TRIP12: variants seen among roughly 807,000 people sequenced by gnomAD.
TRIP12 encodes thyroid hormone receptor interactor 12, also known as E3 ubiquitin-protein ligase TRIP12.
Under a neutral mutation model 244.2 loss-of-function variants are expected in TRIP12, and 25 were observed. That is an observed-to-expected ratio of 0.10 (90% CI 0.07 to 0.14). The LOEUF (loss-of-function observed/expected upper bound fraction) is 0.14. TRIP12 is among the 10% of genes least tolerant of loss of function. The pLI, the probability that TRIP12 is intolerant of heterozygous loss-of-function variation, is 1.00. For missense variants in TRIP12, 1,677 were observed against 2,486.4 expected (o/e 0.67, Z 6.92); for synonymous variants, 905 against 873.1 (o/e 1.04, Z -0.64).
In TRIP12 at chr2:229,840,444, G is replaced by A. The variant is rs574611116; in HGVS notation, c.1133+378C>T. On this transcript the variant is annotated intron_variant, in intron 5 of 41. Transcript: ENST00000675903. ...TCATCGGGCACGGTGGCTCACGCCT[G>A]TAATCCCAGCACTGTGAGAGGCTGA... 1.6e-3 allele frequency among the ~76,000 whole-genome samples: 242 copies of A among 152,244 alleles called. 1 individual carries two copies. Among genetic ancestry groups the A allele is most frequent in the African/African-American group, 5.7e-3 (235 of 41,540 alleles).
At chr2:229,773,349 C>T (rs1294991068) in intron 38 of TRIP12, among the ~76,000 whole-genome samples, 3 of 151,974 alleles carry the variant, frequency 2.0e-5, no homozygotes, top group Non-Finnish European at 4.4e-5. Flanking sequence ...GCTGGGATTA[C>T]GGGCATGAGC....
intron 1 of TRIP12, among the ~76,000 whole-genome samples, chr2:229,903,166 C>G (rs1028730846): frequency 1.3e-5 from 2 of 151,946 alleles, no homozygotes; most frequent in African/African-American, 2.4e-5. Context: ...CTTCCTGACT[C>G]AAATGCAATG....
chr2:229,811,475 C>T (rs1426502923), intron 13 of TRIP12, among the ~76,000 whole-genome samples: 1 of 151,888 alleles, frequency 6.6e-6, no homozygotes, highest in Non-Finnish European at 1.5e-5. Flanking sequence ...ATTATGCTTA[C>T]ACAATCTCAA....
intron 1 of TRIP12, among the ~76,000 whole-genome samples, chr2:229,887,328 A>T (rs1200173160): frequency 1.3e-5 from 2 of 152,246 alleles, no homozygotes; most frequent in Non-Finnish European, 2.9e-5. Flanking sequence ...ACTTCTGCTG[A>T]TGTTCCTTGA....
rs1559412957 is a variant in TRIP12, at chr2:229,789,757, C to T, written c.4549G>A (p.Val1517Met). ...KKHDELWHDG[V>M]CPSVSNPLEV... Reference sequence around the variant, plus strand: ...AAAGGATTTGATACTGATGGGCACACTCCATCTAAAGGACAAAAGATCAAA... The same window carrying T: ...AAAGGATTTGATACTGATGGGCACATTCCATCTAAAGGACAAAAGATCAAA... The change falls in exon 31 of 42, where the codon GTG becomes ATG. Residue 1517 changes from valine to methionine, a missense_variant. Around this residue, in one of 11 missense-constraint regions of TRIP12, gnomAD observed 265 missense variants for 370.8 expected, o/e 0.71. Coordinates refer to ENST00000675903, the MANE Select transcript of TRIP12 (RefSeq NM_001348323.3). The T allele has an allele frequency of 1.2e-6, 2 of 1,613,714 alleles. No homozygotes were observed. The highest frequency in any genetic ancestry group is 1.3e-5 in the African/African-American group (1 of 75,016).
In TRIP12 at chr2:229,763,919, T is replaced by C. The variant is rs559084180; in HGVS notation, c.*3635A>G. The C allele has an allele frequency of 2.6e-5, 4 of 152,348 alleles. No homozygotes were observed. Among genetic ancestry groups the C allele is most frequent in the African/African-American group, 7.2e-5 (3 of 41,588 alleles). 9.4% of individuals were successfully genotyped at this position (152,348 alleles called of 1,614,324 possible). A position where few individuals can be genotyped will look rare whatever the true frequency, so the allele number is the denominator to read the frequency against. On this transcript the variant is annotated 3_prime_UTR_variant, in exon 42 of 42. Transcript: ENST00000675903. ...GCAATTTTACATACACATCTGTAGT[T>C]TGAGGTTCCATTATTCCAACAGTTC...
chr2:229,843,000 TA>T (rs2056811287), intron 4 of TRIP12, among the ~76,000 whole-genome samples: 1 of 152,124 alleles, frequency 6.6e-6, no homozygotes, highest in South Asian at 2.1e-4. Flanking sequence ...TCCATTACTC[TA>T]AAAAGATCCT....
intron 24 of TRIP12, among the ~76,000 whole-genome samples, chr2:229,797,134 G>A (rs947476099): frequency 6.6e-5 from 10 of 152,098 alleles, no homozygotes; most frequent in Non-Finnish European, 1.2e-4. Flanking sequence ...AATACAAGGT[G>A]TGGCTTTAAA....
chr2:229,831,038 T>C (rs895566816), intron 6 of TRIP12, 199 bp from the exon 7 acceptor site: 3 of 692,644 alleles, frequency 4.3e-6, no homozygotes, highest in East Asian at 5.4e-5. Context: ...ACTATTTTAG[T>C]ATTAAAAAGG....
At chr2:229,806,463 A>C (rs900336357) in intron 17 of TRIP12, among the ~76,000 whole-genome samples, 27 of 152,226 alleles carry the variant, frequency 1.8e-4, no homozygotes, top group Non-Finnish European at 4.0e-4. Context: ...TTTGACTTTA[A>C]ACAGACTACA....
chr2:229,886,970 T>C (rs566159061), intron 1 of TRIP12, among the ~76,000 whole-genome samples: 23 of 152,236 alleles, frequency 1.5e-4, no homozygotes, highest in African/African-American at 5.3e-4. Context: ...AAAGAAATCA[T>C]GACACACAGT....
rs1264067238 is a variant in TRIP12 at position 229,778,214 on chromosome 2, G to C, written c.5364+219C>G. 1.3e-5 allele frequency among the ~76,000 whole-genome samples: 2 copies of C among 152,154 alleles called. No individual in the cohort carries two copies. The highest frequency in any genetic ancestry group is 2.9e-5 in the Non-Finnish European group (2 of 68,016). On this transcript the variant is annotated intron_variant, in intron 36 of 41. Coordinates refer to ENST00000675903, the MANE Select transcript of TRIP12 (RefSeq NM_001348323.3). The surrounding 1 kb of genome is among the most constrained non-coding windows in gnomAD (Gnocchi z 4.1). ...CCTGGCAATCGGGCATGCCCTGGGAGCTGACAGGAAAATTTAGAATCTTGG... is the reference window on the plus strand; with the variant it reads ...CCTGGCAATCGGGCATGCCCTGGGACCTGACAGGAAAATTTAGAATCTTGG...
chr2:229,875,452 A>G (rs2063416007), intron 2 of TRIP12, among the ~76,000 whole-genome samples: 1 of 152,252 alleles, frequency 6.6e-6, no homozygotes, highest in South Asian at 2.1e-4. Flanking sequence ...AGTGCTACTT[A>G]AATTCAAAAC....
chr2:229,915,159 G>A (rs761213559), intron 1 of TRIP12, among the ~76,000 whole-genome samples: 8 of 152,124 alleles, frequency 5.3e-5, no homozygotes, highest in Non-Finnish European at 1.2e-4. Context: ...GGCTGAGGCA[G>A]GAGGATTGCT....
chr2:229,862,258 G>A (rs896210267), intron 2 of TRIP12, among the ~76,000 whole-genome samples: 5 of 152,116 alleles, frequency 3.3e-5, no homozygotes, highest in Admixed American at 3.3e-4. Flanking sequence ...GAGTTTATTA[G>A]AGATTTAATT....
chr2:229,898,563 A>T (rs1158445756), intron 1 of TRIP12, among the ~76,000 whole-genome samples: 1 of 152,270 alleles, frequency 6.6e-6, no homozygotes, highest in African/African-American at 2.4e-5. Flanking sequence ...GACCTTTAAA[A>T]GGGTAAATTC....
intron 1 of TRIP12, among the ~76,000 whole-genome samples, chr2:229,914,059 G>A (rs2074890980): frequency 6.6e-6 from 1 of 152,138 alleles, no homozygotes; most frequent in South Asian, 2.1e-4. Context: ...CCTGAGGTCA[G>A]GAGTTGGAGA....
chr2:229,847,832 A>C (rs1349296889), intron 4 of TRIP12, among the ~76,000 whole-genome samples: 1 of 152,184 alleles, frequency 6.6e-6, no homozygotes, highest in Non-Finnish European at 1.5e-5. Flanking sequence ...TCCAGCAAAA[A>C]ACAAGACCTT....
intron 29 of TRIP12, 100 bp from the exon 30 acceptor site, chr2:229,791,351 T>G (rs565054437): frequency 2.2e-6 from 3 of 1,336,986 alleles, no homozygotes; most frequent in Admixed American, 1.9e-5. Context: ...AAGACTGTTC[T>G]GAGATCTATT....
Sources: allele counts gnomAD v4.1 joint callset (sites outside exome capture counted in the v4.1 genomes callset), GRCh38; gene constraint gnomAD v4.1.1; regional missense constraint gnomAD v4.1.1; non-coding constraint Gnocchi (gnomAD v3.1); transcripts MANE v1.5; gene names NCBI Gene and HGNC (gene_info 2026-07-23, HGNC 2026-07-21).